Variants in GRM7 observed in about 807,000 individuals in gnomAD.
GRM7 encodes glutamate metabotropic receptor 7, also known as metabotropic glutamate receptor 7.
In GRM7, 35 loss-of-function variants were observed where a neutral mutation model predicts 84.5. That is an observed-to-expected ratio of 0.41 (90% CI 0.32 to 0.55). The LOEUF (loss-of-function observed/expected upper bound fraction) is 0.55, where lower values mean the gene tolerates loss of function less well. Ranked by LOEUF, GRM7 falls within the 20% of genes least tolerant of loss-of-function variation. The pLI is 0.19. For missense variants in GRM7, 1,003 were observed against 1,194.6 expected (o/e 0.84, Z 2.36); for synonymous variants, 487 against 455.1 (o/e 1.07, Z -0.89).
At chr3:7,582,619 G>A (rs1371553982) in intron 8 of GRM7, among the ~76,000 whole-genome samples, 2 of 151,944 alleles carry the variant, frequency 1.3e-5, no homozygotes, top group East Asian at 1.9e-4. Flanking sequence ...CCTCTAAAAT[G>A]GCACCCACAG....
At chr3:6,982,994 C>CA (rs1291213985) in intron 1 of GRM7, among the ~76,000 whole-genome samples, 2 of 151,804 alleles carry the variant, frequency 1.3e-5, no homozygotes, top group African/African-American at 4.8e-5. Context: ...GAGTAAATGC[C>CA]AAATAATGGG....
chr3:7,651,308 A>G (rs75058390), intron 8 of GRM7, among the ~76,000 whole-genome samples: 3,355 of 152,270 alleles, frequency 0.022, 121 homozygotes, highest in African/African-American at 0.076. Flanking sequence ...TTTACTTCCA[A>G]ATGCATCCTG....
intron 1 of GRM7, among the ~76,000 whole-genome samples, chr3:7,144,474 C>T (rs1694046341): frequency 2.6e-5 from 4 of 152,034 alleles, no homozygotes; most frequent in Admixed American, 2.6e-4. Context: ...CATTTTATTG[C>T]CATAGGACAG....
chr3:7,420,885 A>T (rs1342174117), intron 5 of GRM7, among the ~76,000 whole-genome samples: 1 of 152,210 alleles, frequency 6.6e-6, no homozygotes. Context: ...GATACATGGA[A>T]TACCAATTAA....
At chr3:7,061,487 C>T (rs550178695) in intron 1 of GRM7, among the ~76,000 whole-genome samples, 5 of 151,564 alleles carry the variant, frequency 3.3e-5, no homozygotes, top group East Asian at 1.9e-4. Flanking sequence ...TGTTCAAACC[C>T]GGAGTTGACT....
intron 9 of GRM7, among the ~76,000 whole-genome samples, chr3:7,725,689 T>C (rs1702099123): frequency 6.6e-6 from 1 of 152,218 alleles, no homozygotes; most frequent in Non-Finnish European, 1.5e-5. Flanking sequence ...GGGTTTCTTC[T>C]GAGGATAAGC....
chr3:6,930,300 ATGT>A (rs1326919977), intron 1 of GRM7, among the ~76,000 whole-genome samples: 1 of 152,222 alleles, frequency 6.6e-6, no homozygotes, highest in Non-Finnish European at 1.5e-5. Context: ...TTCAGGAAAA[ATGT>A]TATATCTGAC....
At position 6,861,868 on chromosome 3, in the gene GRM7, G is replaced by A; in HGVS notation, c.480G>A (p.Ser160=). ...GAGTGATTGGGGCTTCGGGGAGTTC[G>A]GTCTCCATCATGGTAGCCAACATCC... ...VVGVIGASGS[S]VSIMVANILR... The change falls in exon 1 of 10, where the codon TCG becomes TCA. Residue 160 remains serine (S), a synonymous_variant. Transcript: ENST00000357716. The surrounding 1 kb of genome is among the most constrained non-coding windows in gnomAD (Gnocchi z 6.4). 6.2e-7 allele frequency: 1 copy of A among 1,613,802 alleles called. No homozygotes were observed. Among genetic ancestry groups the A allele is most frequent in the Non-Finnish European group, 8.5e-7 (1 of 1,179,884 alleles).
intron 1 of GRM7, among the ~76,000 whole-genome samples, chr3:7,097,260 C>T (rs1170917997): frequency 6.6e-6 from 1 of 152,020 alleles, no homozygotes; most frequent in East Asian, 1.9e-4. Flanking sequence ...TACACATAGG[C>T]ATGTGTAAGA....
chr3:7,218,800 C>T (rs2124868757), intron 2 of GRM7, among the ~76,000 whole-genome samples: 1 of 148,518 alleles, frequency 6.7e-6, no homozygotes, highest in African/African-American at 2.5e-5. Flanking sequence ...ATTGATTTGT[C>T]ATGTGCATTA....
chr3:7,088,702 C>T (rs1053262588), intron 1 of GRM7, among the ~76,000 whole-genome samples: 2 of 43,576 alleles, frequency 4.6e-5, no homozygotes, highest in East Asian at 5.1e-4. Flanking sequence ...TCTTATTCAT[C>T]GAAGCACCAG....
At chr3:7,277,181 C>G (rs1408401607) in intron 2 of GRM7, among the ~76,000 whole-genome samples, 6 of 152,014 alleles carry the variant, frequency 3.9e-5, no homozygotes, top group Admixed American at 3.9e-4. Flanking sequence ...AGATTGCTTT[C>G]TCACAAAGAC....
rs1698459569 is a variant in GRM7 at position 7,643,433 on chromosome 3, A to C, written c.2452-36616A>C. On this transcript the variant is annotated intron_variant, in intron 8 of 9. Coordinates refer to ENST00000357716, the MANE Select transcript of GRM7 (RefSeq NM_000844.4). ...TTTAAAAGAGTCATTCCTCTAAAATAAAGGTGGCCAGGCCTTGAGAATTTT... is the reference window on the plus strand; with the variant it reads ...TTTAAAAGAGTCATTCCTCTAAAATCAAGGTGGCCAGGCCTTGAGAATTTT... 2.0e-5 allele frequency among the ~76,000 whole-genome samples: 3 copies of C among 152,210 alleles called. No homozygotes were observed. In the South Asian group the frequency reaches 6.2e-4, roughly 31 times the overall value.
At chr3:6,959,356 C>G (rs914824447) in intron 1 of GRM7, among the ~76,000 whole-genome samples, 34 of 152,100 alleles carry the variant, frequency 2.2e-4, no homozygotes, top group African/African-American at 7.0e-4. Flanking sequence ...AGAATTCCAT[C>G]AAAACTAGAT....
chr3:7,484,386 A>T (rs992870602), intron 7 of GRM7, among the ~76,000 whole-genome samples: 1 of 152,202 alleles, frequency 6.6e-6, no homozygotes, highest in South Asian at 2.1e-4. Flanking sequence ...TCTTCTAAAA[A>T]TCCATTCCTT....
chr3:6,954,805 G>T (rs1189313378), intron 1 of GRM7, among the ~76,000 whole-genome samples: 2 of 152,180 alleles, frequency 1.3e-5, no homozygotes, highest in East Asian at 3.8e-4. Context: ...ATGGTGTATA[G>T]TAAGTGCCTA....
chr3:7,497,363 A>G (rs1042608284), intron 7 of GRM7, among the ~76,000 whole-genome samples: 1 of 152,130 alleles, frequency 6.6e-6, no homozygotes, highest in African/African-American at 2.4e-5. Context: ...AACCACATAT[A>G]CTTCTCTCAT....
intron 1 of GRM7, among the ~76,000 whole-genome samples, chr3:7,081,893 C>T (rs1482896967): frequency 6.6e-6 from 1 of 152,068 alleles, no homozygotes; most frequent in South Asian, 2.1e-4. Context: ...GTCTTCAATT[C>T]TGCAAAGGCT....
At chr3:7,173,837 A>C (rs1461843393) in intron 2 of GRM7, among the ~76,000 whole-genome samples, 1 of 152,212 alleles carries the variant, frequency 6.6e-6, no homozygotes, top group South Asian at 2.1e-4. Flanking sequence ...AGCTTATTTT[A>C]ACAGCTTATA....
Sources: allele counts gnomAD v4.1 joint callset (sites outside exome capture counted in the v4.1 genomes callset), GRCh38; gene constraint gnomAD v4.1.1; non-coding constraint Gnocchi (gnomAD v3.1); transcripts MANE v1.5; gene names NCBI Gene and HGNC (gene_info 2026-07-23, HGNC 2026-07-21).